JADE2: variants seen among roughly 807,000 people sequenced by gnomAD.
JADE2 encodes the protein jade family PHD finger 2, also known as E3 ubiquitin-protein ligase Jade-2.
JADE2 carries 13 observed loss-of-function variants against 85.7 expected under a neutral mutation model. The observed-to-expected ratio is 0.15, with a 90% CI of 0.10 to 0.24. JADE2 has a LOEUF of 0.24. Among genes scored for constraint, JADE2 ranks in the 10% least tolerant of loss-of-function variants. The pLI is 1.00. For missense variants in JADE2, 846 were observed against 1,115.9 expected (o/e 0.76, Z 3.45); for synonymous variants, 440 against 456.1 (o/e 0.96, Z 0.45).
In JADE2 at chr5:134,560,784, C is replaced by T; in HGVS notation, c.511C>T (p.Leu171=). ...ELDELTLERV[L]EELETLCHQN... is the part of the protein sequence containing the mutation. ...GGACGAGCTGACATTAGAGCGTGTG[C>T]TGGAGGAGCTGGAGACCCTGTGCCA... The change falls in exon 6 of 12, where the codon CTG becomes TTG. Residue 171 remains leucine (L), a synonymous_variant. Transcript: ENST00000681547. The T allele has an allele frequency of 6.2e-7, 1 of 1,614,050 alleles. No individual in the cohort carries two copies. The highest frequency in any genetic ancestry group is 8.5e-7 in the Non-Finnish European group (1 of 1,179,972).
intron 4 of JADE2, among the ~76,000 whole-genome samples, chr5:134,556,942 TACAC>T (rs1175079951): frequency 1.3e-4 from 6 of 47,544 alleles, no homozygotes; most frequent in African/African-American, 4.3e-4. Context: ...ACACAACACA[TACAC>T]ACACACCACA....
intron 10 of JADE2, 152 bp from the exon 11 acceptor site, chr5:134,576,616 C>A: frequency 1.0e-6 from 1 of 977,364 alleles, no homozygotes; most frequent in Non-Finnish European, 1.5e-6. Flanking sequence ...TCCACCCCAC[C>A]ATGCCAGCCA....
chr5:134,526,088 G>A (rs1257869973), intron 1 of JADE2, 77 bp downstream of exon 1: 1 of 985,392 alleles, frequency 1.0e-6, no homozygotes, highest in Non-Finnish European at 1.2e-6. Context: ...AGATCTGCCA[G>A]CGCTCTTCGC....
intron 11 of JADE2, among the ~76,000 whole-genome samples, chr5:134,577,961 G>A (rs544836185): frequency 6.6e-6 from 1 of 152,282 alleles, no homozygotes; most frequent in South Asian, 2.1e-4. Context: ...AAGACTGAGC[G>A]CCCTCTGGCG....
intron 4 of JADE2, among the ~76,000 whole-genome samples, chr5:134,553,297 T>G (rs1019617566): frequency 1.3e-5 from 2 of 151,242 alleles, no homozygotes; most frequent in African/African-American, 4.9e-5. Flanking sequence ...GAGGGAAATC[T>G]CCAGACTTTT....
chr5:134,560,640 C>T, intron 5 of JADE2, 106 bp from the exon 6 acceptor site: 1 of 946,540 alleles, frequency 1.1e-6, no homozygotes, highest in Non-Finnish European at 1.6e-6. Flanking sequence ...AGAAACCCTC[C>T]CAGACATCTG....
intron 6 of JADE2, among the ~76,000 whole-genome samples, chr5:134,561,230 C>G (rs944919453): frequency 6.6e-6 from 1 of 152,240 alleles, no homozygotes; most frequent in Admixed American, 6.5e-5. Context: ...CCTGCCCCTC[C>G]TCCTCTGCTC....
intron 3 of JADE2, among the ~76,000 whole-genome samples, chr5:134,539,353 G>A (rs11242223): frequency 0.3 from 45,277 of 151,822 alleles, 8,101 homozygotes; most frequent in East Asian, 0.44. Context: ...ATGAGCCACC[G>A]CGCCCGGCCT....
At chr5:134,548,587 G>A (rs1762430777) in intron 3 of JADE2, among the ~76,000 whole-genome samples, 1 of 152,190 alleles carries the variant, frequency 6.6e-6, no homozygotes, top group South Asian at 2.1e-4. Context: ...TCTGCCACCT[G>A]CTCCCTGCAT....
Position 134,559,861 on chromosome 5 carries a change from C to G in JADE2, c.343C>G (p.Gln115Glu). Reference sequence around the variant, plus strand: ...CCCACCACTGGAAGGCCCCCCTGCCCAGGCATCCCCGAGCAGCACCATGCT... The same window carrying G: ...CCCACCACTGGAAGGCCCCCCTGCCGAGGCATCCCCGAGCAGCACCATGCT... ...ILPPLEGPPA[Q>E]ASPSSTMLGE... is the part of the protein sequence containing the mutation. Residue 115 changes from glutamine (Q) to glutamate (E), a missense_variant, in exon 5 of 12, where the codon CAG becomes GAG. By Grantham distance (29) the Gln-to-Glu change is conservative. Coordinates refer to ENST00000681547, the MANE Select transcript of JADE2 (RefSeq NM_001388185.1). 6.2e-7 allele frequency: 1 copy of G among 1,612,442 alleles called. No individual in the cohort carries two copies. The highest frequency in any genetic ancestry group is 8.5e-7 in the Non-Finnish European group (1 of 1,179,288).
At chr5:134,547,631 G>A (rs1762371863) in intron 3 of JADE2, among the ~76,000 whole-genome samples, 1 of 152,198 alleles carries the variant, frequency 6.6e-6, no homozygotes, top group South Asian at 2.1e-4. Flanking sequence ...TGATGTTTAG[G>A]TTACAATTGG....
At chr5:134,559,221 C>T (rs774312279) in intron 4 of JADE2, among the ~76,000 whole-genome samples, 2 of 152,176 alleles carry the variant, frequency 1.3e-5, no homozygotes, top group Non-Finnish European at 2.9e-5. Context: ...AGGTAGGGCT[C>T]CTCCTGACAC....
chr5:134,577,528 T>C (rs1445486308), intron 11 of JADE2, among the ~76,000 whole-genome samples: 4 of 152,088 alleles, frequency 2.6e-5, no homozygotes, highest in African/African-American at 9.7e-5. Context: ...TGTCCCTCTG[T>C]CTCAAGAAGG....
chr5:134,578,987 G>A lies in JADE2; in HGVS notation c.2175G>A (p.Pro725=), dbSNP rs764498889. Reference sequence around the variant, plus strand: ...CCCCGCCACTGGCCCCTGAGACCCCGGACGAGGCAGCCTCAGTAGCTGCTG... The same window carrying A: ...CCCCGCCACTGGCCCCTGAGACCCCAGACGAGGCAGCCTCAGTAGCTGCTG... ...ESPPPLAPET[P]DEAASVAADS... is the part of the protein sequence containing the mutation. The change falls in exon 12 of 12, where the codon CCG becomes CCA. Residue 725 remains proline, a synonymous_variant. Coordinates refer to ENST00000681547, the MANE Select transcript of JADE2 (RefSeq NM_001388185.1). This position sits in a 1 kb window ranked among gnomAD's most constrained non-coding sequence, Gnocchi z 4.4. The A allele has an allele frequency of 9.9e-6, 16 of 1,613,618 alleles. No homozygotes were observed. The highest frequency in any genetic ancestry group is 1.6e-4 in the Middle Eastern group (1 of 6,084).
chr5:134,568,967 G>A (rs1763824916), intron 9 of JADE2, among the ~76,000 whole-genome samples: 2 of 152,264 alleles, frequency 1.3e-5, no homozygotes, highest in African/African-American at 2.4e-5. Flanking sequence ...ATCGGAAGAT[G>A]GGGCAGGGCT....
Position 134,525,862 on chromosome 5 carries a change from C to A in JADE2, c.-150C>A. On this transcript the variant is annotated 5_prime_UTR_variant, in exon 1 of 12. Coordinates refer to ENST00000681547, the MANE Select transcript of JADE2 (RefSeq NM_001388185.1). ...TGGGACGCCGCGGGCCCGGCCGCCT[C>A]CCTCGCCGCGACCCCGGATGGATGC... 2.0e-6 allele frequency: 2 copies of A among 989,366 alleles called. No individual in the cohort carries two copies. Among genetic ancestry groups the A allele is most frequent in the Non-Finnish European group, 1.2e-6 (1 of 832,100 alleles). The allele number at this position is 989,366 out of a possible 1,614,324, so 61.3% of individuals were successfully genotyped here. A position where few individuals can be genotyped will look rare whatever the true frequency, so the allele number is the denominator to read the frequency against.
chr5:134,567,525 G>GTGTC (rs1258560314), intron 9 of JADE2, among the ~76,000 whole-genome samples: 1 of 152,172 alleles, frequency 6.6e-6, no homozygotes, highest in Non-Finnish European at 1.5e-5. Flanking sequence ...CCGTGTCACA[G>GTGTC]TGTCTCCCCT....
chr5:134,534,502 G>A (rs773547186), intron 1 of JADE2, among the ~76,000 whole-genome samples: 4 of 151,970 alleles, frequency 2.6e-5, no homozygotes, highest in Non-Finnish European at 4.4e-5. Context: ...AGAAGCTCCC[G>A]GCTAAGATCA....
chr5:134,569,459 CG>C (rs1218824674), intron 9 of JADE2, among the ~76,000 whole-genome samples: 2 of 152,242 alleles, frequency 1.3e-5, no homozygotes, highest in South Asian at 2.1e-4. Context: ...AGCGGACGCT[CG>C]GAAGGCATGG....
Sources: gnomAD v4.1 joint callset for allele counts (sites outside exome capture counted in the v4.1 genomes callset) on GRCh38, gnomAD v4.1.1 for gene constraint, Gnocchi (gnomAD v3.1) non-coding constraint, MANE v1.5 for transcripts, NCBI Gene and HGNC (gene_info 2026-07-23, HGNC 2026-07-21) for gene names.